The following SYT9 variants were observed in gnomAD, a reference collection of about 807,000 sequenced individuals.
SYT9 encodes synaptotagmin 9, also known as synaptotagmin-9.
A neutral mutation model predicts 48.4 loss-of-function variants in SYT9; 22 were observed. That is an observed-to-expected ratio of 0.45 (90% CI 0.32 to 0.65). The LOEUF (loss-of-function observed/expected upper bound fraction) is 0.65. Ranked by LOEUF, SYT9 falls within the 30% of genes least tolerant of loss-of-function variation. The pLI is 0.03. For synonymous variants in SYT9, 265 were observed against 245.0 expected, an observed-to-expected ratio of 1.08 and a Z score of -0.76; for missense variants, 577 against 622.0, an observed-to-expected ratio of 0.93 and a Z score of 0.77.
chr11:7,320,889 A>G (rs1239626409), intron 3 of SYT9, among the ~76,000 whole-genome samples: 1 of 152,226 alleles, frequency 6.6e-6, no homozygotes, highest in Non-Finnish European at 1.5e-5. Context: ...GACAGCATCA[A>G]GGGGGAAGGT....
intron 3 of SYT9, among the ~76,000 whole-genome samples, chr11:7,324,427 C>CT (rs1304796133): frequency 2.0e-5 from 3 of 151,328 alleles, no homozygotes; most frequent in Non-Finnish European, 4.4e-5. Context: ...GATTTTCTTT[C>CT]TTTTTTCTTT....
At chr11:7,241,240 A>G (rs1229210327) in intron 1 of SYT9, among the ~76,000 whole-genome samples, 4 of 142,150 alleles carry the variant, frequency 2.8e-5, no homozygotes, top group Admixed American at 1.4e-4. Flanking sequence ...ACACACACGC[A>G]CACACTCACC....
intron 3 of SYT9, among the ~76,000 whole-genome samples, chr11:7,364,987 C>G (rs1471959812): frequency 6.6e-6 from 1 of 152,110 alleles, no homozygotes; most frequent in African/African-American, 2.4e-5. Context: ...TTATGGATTG[C>G]TAGGGGTCTC....
At chr11:7,425,929 A>G (rs1195637274) in intron 6 of SYT9, among the ~76,000 whole-genome samples, 1 of 152,202 alleles carries the variant, frequency 6.6e-6, no homozygotes, top group Non-Finnish European at 1.5e-5. Context: ...TATGAATGAA[A>G]ACAGAAAAAA....
At position 7,446,316 on chromosome 11, in the gene SYT9, A is replaced by G. The variant is rs572453967; in HGVS notation, c.1468-20476A>G. ...AGAGTTGTAAGAATTAAATAAGTTA[A>G]TAAATGCAGAACACTTACAAGAGTG... On this transcript the variant is annotated intron_variant, in intron 6 of 6. Transcript: ENST00000318881. Among the ~76,000 whole-genome samples, 11 of 152,370 alleles carry G rather than the reference A, an allele frequency of 7.2e-5. No individual in the cohort carries two copies. In the East Asian group the frequency reaches 2.1e-3, roughly 29 times the overall value.
At chr11:7,450,222 G>A (rs1267611932) in intron 6 of SYT9, among the ~76,000 whole-genome samples, 1 of 152,146 alleles carries the variant, frequency 6.6e-6, no homozygotes, top group African/African-American at 2.4e-5. Context: ...TCAGATTAAG[G>A]TAGATGGTAT....
intron 3 of SYT9, among the ~76,000 whole-genome samples, chr11:7,333,137 C>T (rs1849570494): frequency 6.6e-6 from 1 of 152,202 alleles, no homozygotes; most frequent in East Asian, 1.9e-4. Context: ...GGAAATTTTC[C>T]TTCAGATTGG....
At chr11:7,332,500 G>A (rs1489847709) in intron 3 of SYT9, among the ~76,000 whole-genome samples, 1 of 152,220 alleles carries the variant, frequency 6.6e-6, no homozygotes, top group African/African-American at 2.4e-5. Context: ...TGGGAAAGGG[G>A]TTATGGGAAC....
At chr11:7,371,983 G>A (rs1850370023) in intron 3 of SYT9, among the ~76,000 whole-genome samples, 2 of 152,090 alleles carry the variant, frequency 1.3e-5, no homozygotes, top group South Asian at 4.1e-4. Flanking sequence ...TCTTGTATAA[G>A]TCTATGTGTG....
chr11:7,411,151 G>A (rs565297519), intron 3 of SYT9, among the ~76,000 whole-genome samples: 174 of 152,262 alleles, frequency 1.1e-3, no homozygotes, highest in Admixed American at 3.0e-3. Context: ...CACCATGCCC[G>A]GCCTCAAGAT....
intron 3 of SYT9, among the ~76,000 whole-genome samples, chr11:7,399,806 C>T (rs1490197114): frequency 2.6e-5 from 4 of 152,248 alleles, no homozygotes; most frequent in African/African-American, 7.2e-5. Flanking sequence ...CTTGCATCCT[C>T]ACTGTTTTCA....
Position 7,318,459 on chromosome 11 carries a change from G to A in SYT9, c.1044+4518G>A, listed in dbSNP as rs1163871471. Among the ~76,000 whole-genome samples, 7 of 151,896 alleles carry A rather than the reference G, an allele frequency of 4.6e-5. No individual in the cohort carries two copies. The East Asian group carries it at 9.7e-4, about 21-fold the overall frequency. On this transcript the variant is annotated intron_variant, in intron 3 of 6. Coordinates refer to ENST00000318881, the MANE Select transcript of SYT9 (RefSeq NM_175733.4). ...CTCCTGAGTAGCTGGAATTACGGGC[G>A]CCCACTACCACGTCTGGCTAATTTT... is the stretch of plus-strand genomic sequence containing the variant.
chr11:7,399,122 C>G (rs1360262803), intron 3 of SYT9, among the ~76,000 whole-genome samples: 1 of 152,136 alleles, frequency 6.6e-6, no homozygotes, highest in African/African-American at 2.4e-5. Flanking sequence ...TAAGAGGAAG[C>G]ATTTATGTTT....
intron 3 of SYT9, among the ~76,000 whole-genome samples, chr11:7,362,137 ATTTTATTTTTT>A (rs1419262183): frequency 6.2e-5 from 8 of 128,976 alleles, no homozygotes; most frequent in Non-Finnish European, 1.1e-4. Flanking sequence ...TTTTTATTTT[ATTTTATTTTTT>A]TTTTATTTTT....
rs537820287 is a variant in SYT9, at chr11:7,460,229, T to C, written c.1468-6563T>C. 9.2e-5 allele frequency among the ~76,000 whole-genome samples: 14 copies of C among 152,362 alleles called. No individual in the cohort carries two copies. In the East Asian group the frequency reaches 2.7e-3, roughly 29 times the overall value. ...CTGTTTTGAAATAAAAACACTTTTT[T>C]CACTTGTTCTTTGCTAAATTCTCAT... On this transcript the variant is annotated intron_variant, in intron 6 of 6. Transcript: ENST00000318881.
intron 1 of SYT9, among the ~76,000 whole-genome samples, chr11:7,239,677 G>T (rs531901266): frequency 2.0e-5 from 3 of 152,176 alleles, no homozygotes; most frequent in Non-Finnish European, 2.9e-5. Context: ...CAGGCAGAGG[G>T]TGATGGTGGT....
intron 6 of SYT9, among the ~76,000 whole-genome samples, chr11:7,462,681 G>T (rs1044616703): frequency 1.6e-4 from 24 of 152,248 alleles, no homozygotes; most frequent in African/African-American, 5.8e-4. Context: ...AAAATCCTGA[G>T]ATTTTTGTGC....
intron 1 of SYT9, among the ~76,000 whole-genome samples, chr11:7,292,190 T>G (rs1564849976): frequency 6.6e-6 from 1 of 152,210 alleles, no homozygotes; most frequent in South Asian, 2.1e-4. Context: ...AGCAGCCTTT[T>G]GGTCTTGTTC....
chr11:7,427,408 G>C (rs982373702), intron 6 of SYT9: 10 of 152,314 alleles, frequency 6.6e-5, no homozygotes, highest in Admixed American at 4.6e-4. Flanking sequence ...TCAGAACTGA[G>C]GCCCCTTAGT....
Sources: allele counts gnomAD v4.1 joint callset (sites outside exome capture counted in the v4.1 genomes callset), GRCh38; gene constraint gnomAD v4.1.1; transcripts MANE v1.5; gene names NCBI Gene and HGNC (gene_info 2026-07-23, HGNC 2026-07-21).